Variants in DDRGK1 observed in about 807,000 individuals in gnomAD.
The protein encoded by DDRGK1 is DDRGK domain containing 1.
In DDRGK1, 38 loss-of-function variants were observed where a neutral mutation model predicts 45.8. That is an observed-to-expected ratio of 0.83 (90% CI 0.64 to 1.09). The LOEUF (loss-of-function observed/expected upper bound fraction) is 1.09. DDRGK1 is among the 50% of genes least tolerant of loss of function. The pLI is 0.00. For missense variants in DDRGK1, 403 were observed against 419.9 expected, an observed-to-expected ratio of 0.96 and a Z score of 0.35; for synonymous variants, 171 against 168.7, an observed-to-expected ratio of 1.01 and a Z score of -0.11.
At position 3,203,252 on chromosome 20, in the gene DDRGK1, C is replaced by T. The variant is rs974343175; in HGVS notation, c.256G>A (p.Ala86Thr). Residue 86 changes from alanine (A) to threonine (T), a missense_variant, in exon 2 of 9, where the codon GCA becomes ACA. Physicochemically the swap from Ala to Thr is moderately conservative, Grantham distance 58. Coordinates refer to ENST00000354488, the MANE Select transcript of DDRGK1 (RefSeq NM_023935.3). The part of the protein sequence containing the change: ...AQRRAQRVAW[A>T]EADENEEEAV... ...TCCTCCTCGTTCTCATCTGCTTCTG[C>T]CCAGGCCACCCGCTGGGCTCGACGC... is the stretch of plus-strand genomic sequence containing the variant. 6.2e-7 allele frequency: 1 copy of T among 1,604,956 alleles called. No individual in the cohort carries two copies. The highest frequency in any genetic ancestry group is 1.1e-5 in the South Asian group (1 of 90,296).
chr20:3,193,572 T>C (rs973652644), intron 6 of DDRGK1, among the ~76,000 whole-genome samples: 1 of 152,160 alleles, frequency 6.6e-6, no homozygotes, highest in Non-Finnish European at 1.5e-5. Context: ...GGTTTCAGCA[T>C]GTTGCCCAGG....
At chr20:3,200,498 G>T in intron 2 of DDRGK1, 44 bp from the exon 3 acceptor site, 1 of 1,527,412 alleles carries the variant, frequency 6.5e-7, no homozygotes. Context: ...TGACCAGAGA[G>T]GACTGATGAC....
chr20:3,200,130 T>C lies in DDRGK1; in HGVS notation c.409-28A>G, dbSNP rs1266321319. On this transcript the variant is annotated intron_variant, in intron 3 of 8. Transcript: ENST00000354488. ...GGAGAGAGGTCTTCATAGGGGCACA[T>C]CCCTCACCCCCGGCTAGAGTGTGCC... is the stretch of plus-strand genomic sequence containing the variant. 6.3e-7 allele frequency: 1 copy of C among 1,579,250 alleles called. No homozygotes were observed. Among genetic ancestry groups the C allele is most frequent in the African/African-American group, 1.4e-5 (1 of 73,678 alleles).
At chr20:3,200,616 C>CGT (rs138231795) in intron 2 of DDRGK1, among the ~76,000 whole-genome samples, 162 bp from the exon 3 acceptor site, 72 of 151,976 alleles carry the variant, frequency 4.7e-4, no homozygotes, top group Non-Finnish European at 7.8e-4. Flanking sequence ...GCCATGAGTG[C>CGT]GTGTGTGTGT....
intron 1 of DDRGK1, among the ~76,000 whole-genome samples, chr20:3,204,155 C>G (rs2067054851): frequency 6.6e-6 from 1 of 152,172 alleles, no homozygotes; most frequent in Non-Finnish European, 1.5e-5. Context: ...CTTCCTGGCA[C>G]CTGCTCTGGA....
intron 4 of DDRGK1, 46 bp from the exon 5 acceptor site, chr20:3,195,399 G>A (rs1235401622): frequency 4.5e-6 from 7 of 1,544,834 alleles, no homozygotes; most frequent in Non-Finnish European, 5.2e-6. Flanking sequence ...GCAGAACAGG[G>A]CAGGCACCTG....
At chr20:3,194,403 A>C (rs1446070166) in intron 6 of DDRGK1, among the ~76,000 whole-genome samples, 5 of 152,194 alleles carry the variant, frequency 3.3e-5, no homozygotes, top group African/African-American at 1.2e-4. Flanking sequence ...CCTAAACTCC[A>C]AAGGAAACAC....
At chr20:3,193,808 G>A (rs2066998960) in intron 6 of DDRGK1, among the ~76,000 whole-genome samples, 1 of 152,186 alleles carries the variant, frequency 6.6e-6, no homozygotes, top group African/African-American at 2.4e-5. Context: ...GGATGTTGAA[G>A]CTGACCCCCT....
chr20:3,204,678 CATA>C lies in DDRGK1; in HGVS notation c.-54_-52del. 1 of 1,520,350 alleles carries C rather than the reference CATA, an allele frequency of 6.6e-7. No homozygotes were observed. The highest frequency in any genetic ancestry group is 8.8e-7 in the Non-Finnish European group (1 of 1,130,398). 94.2% of individuals were successfully genotyped at this position (1,520,350 alleles called of 1,614,324 possible). Reference sequence around the variant, plus strand: ...TGCGTCCACCCTGAGGCCGGGATCTCATAGGCCCCGCCCCTATTTCCCAATCTA... The same window carrying C: ...TGCGTCCACCCTGAGGCCGGGATCTCGGCCCCGCCCCTATTTCCCAATCTA... On this transcript the variant is annotated 5_prime_UTR_variant, in exon 1 of 9. An upstream start codon of the reference 5' UTR is lost. Transcript: ENST00000354488.
In DDRGK1 at chr20:3,204,580, G is replaced by T; in HGVS notation, c.48C>A (p.Gly16=). ...WYLVAAALLV[G]FILFLTRSRG... is the part of the protein sequence containing the mutation. ...GGCTGCGAGTCAGGAAGAGGATAAA[G>T]CCGACTAGCAGAGCCGCCGCTACCA... The change falls in exon 1 of 9, where the codon GGC becomes GGA. Residue 16 remains glycine (G), a synonymous_variant. Coordinates refer to ENST00000354488, the MANE Select transcript of DDRGK1 (RefSeq NM_023935.3). 6.3e-7 allele frequency: 1 copy of T among 1,580,330 alleles called. No individual in the cohort carries two copies.
At chr20:3,203,189 C>T (rs1484792813) in intron 2 of DDRGK1, 24 bp downstream of exon 2, 1 of 1,525,620 alleles carries the variant, frequency 6.6e-7, no homozygotes, top group South Asian at 1.3e-5. Context: ...AAACCCTCTC[C>T]CCACCAGGCT....
chr20:3,198,147 C>A (rs1234850000), intron 4 of DDRGK1, among the ~76,000 whole-genome samples: 2 of 149,156 alleles, frequency 1.3e-5, no homozygotes, highest in Non-Finnish European at 3.0e-5. Context: ...GTGGCTCATG[C>A]CTGTAATCCC....
intron 2 of DDRGK1, among the ~76,000 whole-genome samples, chr20:3,200,849 G>A (rs2067034563): frequency 6.6e-6 from 1 of 152,178 alleles, no homozygotes; most frequent in African/African-American, 2.4e-5. Context: ...GGTGGCTCAT[G>A]CCTGTAATCC....
intron 1 of DDRGK1, 106 bp downstream of exon 1, chr20:3,204,431 G>GCC (rs532243037): frequency 4.3e-5 from 52 of 1,202,726 alleles, no homozygotes; most frequent in Non-Finnish European, 5.8e-5. Flanking sequence ...CATGCGTCCC[G>GCC]CCCGCCCAGG....
In DDRGK1 at chr20:3,190,743, C is replaced by G; in HGVS notation, c.855G>C (p.Gln285His). 4 of 1,614,144 alleles carry G rather than the reference C, an allele frequency of 2.5e-6. No homozygotes were observed. Among genetic ancestry groups the G allele is most frequent in the Non-Finnish European group, 3.4e-6 (4 of 1,180,022 alleles). Residue 285 changes from glutamine (Q) to histidine (H), a missense_variant, in exon 9 of 9, where the codon CAG (glutamine) becomes CAC (histidine). Physicochemically the swap from Gln to His is conservative, Grantham distance 24. Transcript: ENST00000354488. ...ELAAVANFIR[Q>H]RGRVSIAELA... is the part of the protein sequence containing the mutation. ...GCTCGGCGATGGACACCCGGCCCCGCTGTCGGATGAAGTTGGCCACGGCGG... is the reference window on the plus strand; with the variant it reads ...GCTCGGCGATGGACACCCGGCCCCGGTGTCGGATGAAGTTGGCCACGGCGG...
chr20:3,191,469 T>C, intron 7 of DDRGK1: 4 of 661,276 alleles, frequency 6.0e-6, no homozygotes, highest in Non-Finnish European at 1.1e-5. Flanking sequence ...GCAGTGATGT[T>C]TGCAACACAG....
chr20:3,197,485 G>A (rs1015449385), intron 4 of DDRGK1, among the ~76,000 whole-genome samples: 1 of 152,168 alleles, frequency 6.6e-6, no homozygotes, highest in African/African-American at 2.4e-5. Context: ...AAGTGAAGCG[G>A]ATAACTTGCA....
intron 4 of DDRGK1, among the ~76,000 whole-genome samples, chr20:3,197,139 C>T (rs1287110895): frequency 6.8e-6 from 1 of 147,062 alleles, no homozygotes; most frequent in African/African-American, 2.5e-5. Flanking sequence ...AGCAGAATCG[C>T]TTGAACCTGG....
intron 7 of DDRGK1, 172 bp from the exon 8 acceptor site, chr20:3,191,410 T>C (rs889535863): frequency 4.1e-6 from 3 of 728,730 alleles, no homozygotes; most frequent in Non-Finnish European, 4.7e-6. Flanking sequence ...GCTCTGGTCC[T>C]GGGCCCTGCA....
Sources: allele counts gnomAD v4.1 joint callset (sites outside exome capture counted in the v4.1 genomes callset), GRCh38; gene constraint gnomAD v4.1.1; transcripts MANE v1.5; gene names NCBI Gene and HGNC (gene_info 2026-07-23, HGNC 2026-07-21).